NIPAL1: variants seen among roughly 807,000 people sequenced by gnomAD.
NIPAL1 encodes the protein magnesium transporter NIPA3.
Under a neutral mutation model 37.7 loss-of-function variants are expected in NIPAL1, and 35 were observed. The observed-to-expected ratio is 0.93, with a 90% CI of 0.71 to 1.23. The LOEUF is 1.23. NIPAL1 is among the 50% of genes most tolerant of loss of function. NIPAL1 has a pLI of 0.00. For missense variants in NIPAL1, 412 were observed against 473.9 expected (o/e 0.87, Z 1.21); for synonymous variants, 162 against 183.0 (o/e 0.89, Z 0.93).
intron 1 of NIPAL1, among the ~76,000 whole-genome samples, chr4:48,021,157 A>G (rs1715559587): frequency 6.6e-6 from 1 of 152,170 alleles, no homozygotes; most frequent in Admixed American, 6.5e-5. Flanking sequence ...GTCACTTAAT[A>G]TATTGGCATC....
chr4:48,024,113 T>C (rs1443005910), intron 1 of NIPAL1, among the ~76,000 whole-genome samples: 1 of 151,552 alleles, frequency 6.6e-6, no homozygotes, highest in East Asian at 2.0e-4. Context: ...GCTGGGACTA[T>C]AGGCATGCAC....
At chr4:48,030,259 C>A (rs970157590) in intron 3 of NIPAL1, 83 bp downstream of exon 3, 2 of 875,116 alleles carry the variant, frequency 2.3e-6, no homozygotes, top group Non-Finnish European at 3.8e-6. Context: ...GGTTAATCTT[C>A]CTGTCAAGAA....
intron 2 of NIPAL1, among the ~76,000 whole-genome samples, chr4:48,026,822 G>A (rs1027319371): frequency 1.3e-5 from 2 of 151,556 alleles, no homozygotes; most frequent in Non-Finnish European, 2.9e-5. Flanking sequence ...AGGTTCAAGC[G>A]ATTCTCCTGC....
At position 48,035,889 on chromosome 4, in the gene NIPAL1, T is replaced by C. The variant is rs780280242; in HGVS notation, c.950T>C (p.Met317Thr). The C allele has an allele frequency of 2.5e-6, 4 of 1,613,922 alleles. No individual in the cohort carries two copies. The highest frequency in any genetic ancestry group is 1.7e-5 in the Admixed American group (1 of 59,998). ...ATTTATTATGTATTCTTCACATCCA[T>C]GGTAGTGACTTGCTCTGCCATCTTA... ...TPIYYVFFTS[M>T]VVTCSAILFQ... Residue 317 changes from methionine to threonine, a missense_variant, in exon 6 of 6, where the codon ATG (methionine) becomes ACG (threonine). By Grantham distance (81) the Met-to-Thr change is moderately conservative. Transcript: ENST00000295461.
At chr4:48,020,481 A>T (rs1715547316) in intron 1 of NIPAL1, among the ~76,000 whole-genome samples, 1 of 152,224 alleles carries the variant, frequency 6.6e-6, no homozygotes, top group Non-Finnish European at 1.5e-5. Flanking sequence ...GGTCAGCTGA[A>T]GGTTGACTGA....
In NIPAL1 at chr4:48,038,095, A is replaced by G. The variant is rs779282515; in HGVS notation, c.*1923A>G. 1.3e-5 allele frequency: 2 copies of G among 152,218 alleles called. No homozygotes were observed. Among genetic ancestry groups the G allele is most frequent in the African/African-American group, 4.8e-5 (2 of 41,460 alleles). The allele number at this position is 152,218 out of a possible 1,614,324, so 9.4% of individuals were successfully genotyped here. A position where few individuals can be genotyped will look rare whatever the true frequency, so the allele number is the denominator to read the frequency against. On this transcript the variant is annotated 3_prime_UTR_variant, in exon 6 of 6. Coordinates refer to ENST00000295461, the MANE Select transcript of NIPAL1 (RefSeq NM_207330.3). The stretch of plus-strand genomic sequence containing the variant: ...CTAACTTCAGCATTTCCACAGTTCT[A>G]TTAAACAATGACTGATGTTCACAAT...
At position 48,035,040 on chromosome 4, in the gene NIPAL1, A is replaced by G. The variant is rs1715896566; in HGVS notation, c.621A>G (p.Pro207=). ...LHEMEMKLRD[P]GFISFAVIIT... is the part of the protein sequence containing the mutation. ...AAATGGAAATGAAATTGAGAGACCC[A>G]GGTCTGTGATTCAACCTAAAGAACC... The change falls in exon 5 of 6, where the codon CCA becomes CCG. Residue 207 remains proline (P), a splice_region_variant and synonymous_variant. Transcript: ENST00000295461. The G allele has an allele frequency of 1.2e-6, 2 of 1,613,100 alleles. No homozygotes were observed. Among genetic ancestry groups the G allele is most frequent in the Non-Finnish European group, 1.7e-6 (2 of 1,179,222 alleles).
At chr4:48,019,590 T>A (rs1199603449) in intron 1 of NIPAL1, among the ~76,000 whole-genome samples, 2 of 152,218 alleles carry the variant, frequency 1.3e-5, no homozygotes, top group African/African-American at 4.8e-5. Context: ...CAGGAACAGC[T>A]GCTTTTTAAA....
intron 1 of NIPAL1, 127 bp from the exon 2 acceptor site, chr4:48,024,941 C>T (rs1341526840): frequency 5.2e-6 from 4 of 772,214 alleles, no homozygotes; most frequent in Admixed American, 2.5e-5. Context: ...CACCTGTTAG[C>T]GACTTCCCTA....
intron 3 of NIPAL1, among the ~76,000 whole-genome samples, chr4:48,031,247 T>G (rs1715812819): frequency 2.0e-5 from 3 of 152,120 alleles, no homozygotes; most frequent in Admixed American, 2.0e-4. Context: ...GTATTTTTAG[T>G]AGAGACAAGT....
chr4:48,024,047 C>G (rs4695325), intron 1 of NIPAL1, among the ~76,000 whole-genome samples: 31,655 of 148,386 alleles, frequency 0.21, 3,414 homozygotes, highest in Middle Eastern at 0.26. Flanking sequence ...GCGATCTCAG[C>G]TCACTGCAGC....
Position 48,036,125 on chromosome 4 carries a change from C to T in NIPAL1, c.1186C>T (p.Pro396Ser). 6.2e-7 allele frequency: 1 copy of T among 1,609,258 alleles called. No individual in the cohort carries two copies. The highest frequency in any genetic ancestry group is 1.7e-5 in the Admixed American group (1 of 58,356). The change falls in exon 6 of 6, where the codon CCA becomes TCA. Residue 396 changes from proline to serine, a missense_variant. Pro to Ser is a moderately conservative substitution (Grantham distance 74). Coordinates refer to ENST00000295461, the MANE Select transcript of NIPAL1 (RefSeq NM_207330.3). Reference sequence around the variant, plus strand: ...ACTAGAGAACTTGGAGTGTTCAGCCCCAGGATACAATGATGACGTTACCTT... The same window carrying T: ...ACTAGAGAACTTGGAGTGTTCAGCCTCAGGATACAATGATGACGTTACCTT... Reference protein sequence around the residue: ...VLLENLECSAPGYNDDVTLFS... With the variant: ...VLLENLECSASGYNDDVTLFS...
rs1485906590 is a variant in NIPAL1, at chr4:48,036,635, CTG to C, written c.*464_*465del. On this transcript the variant is annotated 3_prime_UTR_variant, in exon 6 of 6. Transcript: ENST00000295461. ...AATCATGTAATTTCTCATATTAAAA[CTG>C]AGAAGAGAGGCCAGGCATGGTGGTT... 6.3e-6 allele frequency: 1 copy of C among 159,608 alleles called. No homozygotes were observed. The highest frequency in any genetic ancestry group is 1.4e-5 in the Non-Finnish European group (1 of 73,676). 9.9% of individuals were successfully genotyped at this position (159,608 alleles called of 1,614,324 possible). A position where few individuals can be genotyped will look rare whatever the true frequency, so the allele number is the denominator to read the frequency against.
Position 48,029,802 on chromosome 4 carries a change from C to T in NIPAL1, c.314-318C>T, listed in dbSNP as rs1030794630. Among the ~76,000 whole-genome samples, 3 of 152,174 alleles carry T rather than the reference C, an allele frequency of 2.0e-5. No homozygotes were observed. In the East Asian group the frequency reaches 5.8e-4, roughly 29 times the overall value. On this transcript the variant is annotated intron_variant, in intron 2 of 5. Transcript: ENST00000295461. ...AACAATTACACTTCTAGGAATTTAT[C>T]GTGAAGAAATAATCATTCCAGTGTT...
intron 2 of NIPAL1, 109 bp downstream of exon 2, chr4:48,025,443 A>AT (rs779365438): frequency 5.3e-5 from 59 of 1,115,722 alleles, no homozygotes; most frequent in Non-Finnish European, 7.2e-5. Context: ...ATAGTTATTG[A>AT]TTTTTTTTCC....
At position 48,037,788 on chromosome 4, in the gene NIPAL1, A is replaced by G. The variant is rs1242248930; in HGVS notation, c.*1616A>G. 6.6e-6 allele frequency: 1 copy of G among 152,220 alleles called. No individual in the cohort carries two copies. Among genetic ancestry groups the G allele is most frequent in the Admixed American group, 6.5e-5 (1 of 15,280 alleles). The allele number at this position is 152,220 out of a possible 1,614,324, so 9.4% of individuals were successfully genotyped here. On this transcript the variant is annotated 3_prime_UTR_variant, in exon 6 of 6. Transcript: ENST00000295461. ...TCCCCTCTCATTTCAAATGCATGGC[A>G]GGAATAACATTTTTGGTGGTCTTTA...
chr4:48,031,967 G>C (rs1294904134), intron 3 of NIPAL1, among the ~76,000 whole-genome samples: 1 of 152,160 alleles, frequency 6.6e-6, no homozygotes, highest in Non-Finnish European at 1.5e-5. Flanking sequence ...TCGAACGCCT[G>C]ACCTCAAGTG....
chr4:48,016,795 G>C lies in NIPAL1; in HGVS notation c.-45G>C. 1 of 1,541,020 alleles carries C rather than the reference G, an allele frequency of 6.5e-7. No homozygotes were observed. Among genetic ancestry groups the C allele is most frequent in the Non-Finnish European group, 8.7e-7 (1 of 1,147,792 alleles). On this transcript the variant is annotated 5_prime_UTR_variant, in exon 1 of 6. Transcript: ENST00000295461. Reference sequence around the variant, plus strand: ...CCGCGGGTGCGTGTGGAGAGGCCCAGGTGAGGAGCAAGCGCCCGCGTTCCG... The same window carrying C: ...CCGCGGGTGCGTGTGGAGAGGCCCACGTGAGGAGCAAGCGCCCGCGTTCCG...
chr4:48,025,987 C>T (rs1715678365), intron 2 of NIPAL1, among the ~76,000 whole-genome samples: 2 of 152,152 alleles, frequency 1.3e-5, no homozygotes, highest in Admixed American at 1.3e-4. Flanking sequence ...GTAGCATCAC[C>T]TCAGAAAGGC....
Sources: allele counts gnomAD v4.1 joint callset (sites outside exome capture counted in the v4.1 genomes callset), GRCh38; gene constraint gnomAD v4.1.1; transcripts MANE v1.5; gene names NCBI Gene and HGNC (gene_info 2026-07-23, HGNC 2026-07-21).